The following EML6 variants were observed in gnomAD, a reference collection of about 807,000 sequenced individuals.
EML6 encodes the protein EMAP like 6, also known as echinoderm microtubule-associated protein-like 6.
Under a neutral mutation model 240.1 loss-of-function variants are expected in EML6, and 154 were observed. The observed-to-expected ratio is 0.64, with a 90% CI of 0.56 to 0.73. The LOEUF (loss-of-function observed/expected upper bound fraction) is 0.73, where lower values mean the gene tolerates loss of function less well. EML6 is among the 30% of genes least tolerant of loss of function. The pLI is 0.00. For synonymous variants in EML6, 1,148 were observed against 899.0 expected (o/e 1.28, Z -4.95); for missense variants, 2,964 against 2,474.6 (o/e 1.20, Z -4.20).
chr2:54,858,803 A>G (rs563634195), intron 11 of EML6, among the ~76,000 whole-genome samples: 1 of 152,268 alleles, frequency 6.6e-6, no homozygotes, highest in African/African-American at 2.4e-5. Flanking sequence ...GCCTCCCCCA[A>G]CCCTAATAAA....
chr2:54,937,458 TAA>T (rs1226071897), intron 28 of EML6, among the ~76,000 whole-genome samples: 3 of 135,184 alleles, frequency 2.2e-5, no homozygotes, highest in African/African-American at 8.6e-5. Context: ...GAGGCTGAGA[TAA>T]AAGGATCACT....
At chr2:54,938,365 T>G (rs1160008136) in intron 28 of EML6, among the ~76,000 whole-genome samples, 1 of 152,194 alleles carries the variant, frequency 6.6e-6, no homozygotes, top group East Asian at 1.9e-4. Context: ...ATAGATACAG[T>G]TACATAAGGC....
At chr2:54,918,398 G>C (rs569228079) in intron 26 of EML6, among the ~76,000 whole-genome samples, 1 of 152,260 alleles carries the variant, frequency 6.6e-6, no homozygotes, top group Non-Finnish European at 1.5e-5. Flanking sequence ...TCCCAGGCTG[G>C]AATACAGTGG....
At chr2:54,950,828 A>C (rs1444924204) in intron 30 of EML6, 49 bp downstream of exon 30, 1 of 1,528,588 alleles carries the variant, frequency 6.5e-7, no homozygotes, top group African/African-American at 1.4e-5. Context: ...TGTTTTTTAC[A>C]TGCTTTCCCC....
intron 9 of EML6, 76 bp from the exon 10 acceptor site, chr2:54,849,886 C>T (rs1669978987): frequency 3.3e-6 from 4 of 1,210,900 alleles, no homozygotes; most frequent in Non-Finnish European, 2.3e-6. Flanking sequence ...ACTTCTTTTT[C>T]TGACACATAT....
At chr2:54,891,499 G>A (rs530184380) in intron 18 of EML6, among the ~76,000 whole-genome samples, 88 of 152,218 alleles carry the variant, frequency 5.8e-4, no homozygotes, top group African/African-American at 2.0e-3. Context: ...TTATCTATTT[G>A]GATGGTTCCT....
chr2:54,823,764 T>C (rs555586744), intron 5 of EML6, among the ~76,000 whole-genome samples: 1 of 152,162 alleles, frequency 6.6e-6, no homozygotes, highest in East Asian at 1.9e-4. Context: ...GGTGGGAATC[T>C]GACTTTGATT....
chr2:54,793,983 C>T (rs972728236), intron 2 of EML6, among the ~76,000 whole-genome samples: 8 of 152,216 alleles, frequency 5.3e-5, no homozygotes, highest in African/African-American at 1.2e-4. Flanking sequence ...TGAAATAGCT[C>T]TTCGGTCAAT....
At chr2:54,767,610 G>T (rs1668236196) in intron 2 of EML6, among the ~76,000 whole-genome samples, 1 of 127,284 alleles carries the variant, frequency 7.9e-6, no homozygotes. Flanking sequence ...GTGTGTGTGT[G>T]TGTGTGTGTG....
rs552242613 is a variant in EML6, at chr2:54,963,969, C to G, written c.5158-17C>G. 6 of 1,542,698 alleles carry G rather than the reference C, an allele frequency of 3.9e-6. No homozygotes were observed. In the South Asian group the frequency reaches 6.0e-5, roughly 16 times the overall value. ...GGGGGCCAAGAGCTCAGGTGACTTT[C>G]CTTTGCATCAATGTAGAAGCTGTTA... On this transcript the variant is annotated splice_polypyrimidine_tract_variant and intron_variant, in intron 36 of 41. Coordinates refer to ENST00000356458, the MANE Select transcript of EML6 (RefSeq NM_001039753.4).
chr2:54,829,356 C>T lies in EML6; in HGVS notation c.726C>T (p.Ser242=), dbSNP rs1001534486. The T allele has an allele frequency of 4.6e-5, 72 of 1,551,510 alleles. No homozygotes were observed. Among genetic ancestry groups the T allele is most frequent in the Non-Finnish European group, 5.8e-5 (66 of 1,146,886 alleles). ...TTAATCAACAGGCTGGAATCTTTAG[C>T]ATGTATGCTTGTGAAGAAGGCTTTG... The part of the protein sequence containing the change: ...IQGAHSAGIF[S]MYACEEGFAT... The change falls in exon 7 of 42, where the codon AGC becomes AGT. Residue 242 remains serine (S), a synonymous_variant. Coordinates refer to ENST00000356458, the MANE Select transcript of EML6 (RefSeq NM_001039753.4).
At chr2:54,743,172 A>G (rs371062011) in intron 2 of EML6, among the ~76,000 whole-genome samples, 2 of 152,250 alleles carry the variant, frequency 1.3e-5, no homozygotes, top group African/African-American at 4.8e-5. Context: ...CAAGGTGGGA[A>G]CCAGCCCTGG....
At chr2:54,838,494 T>C (rs955108838) in intron 7 of EML6, among the ~76,000 whole-genome samples, 1 of 152,190 alleles carries the variant, frequency 6.6e-6, no homozygotes, top group Non-Finnish European at 1.5e-5. Flanking sequence ...AGTTCATATA[T>C]TTAACTGTTC....
chr2:54,777,692 A>G (rs1340766220), intron 2 of EML6, among the ~76,000 whole-genome samples: 2 of 152,118 alleles, frequency 1.3e-5, no homozygotes, highest in African/African-American at 4.8e-5. Context: ...AGAGTGACCA[A>G]TCTGCCCTCA....
intron 2 of EML6, among the ~76,000 whole-genome samples, chr2:54,792,639 C>A (rs1422708098): frequency 1.3e-5 from 2 of 152,190 alleles, no homozygotes; most frequent in South Asian, 4.1e-4. Context: ...CAGAACTGTA[C>A]ACTAAAGGGT....
intron 17 of EML6, among the ~76,000 whole-genome samples, chr2:54,890,665 T>G (rs1313069099): frequency 1.3e-5 from 2 of 152,324 alleles, no homozygotes; most frequent in East Asian, 3.9e-4. Context: ...GTTAATACTC[T>G]CTTTCCTCCT....
intron 11 of EML6, among the ~76,000 whole-genome samples, chr2:54,855,688 C>T (rs1053576905): frequency 6.6e-6 from 1 of 152,186 alleles, no homozygotes; most frequent in Non-Finnish European, 1.5e-5. Flanking sequence ...CTCAGCAACC[C>T]ACAGACATAT....
At position 54,895,519 on chromosome 2, in the gene EML6, G is replaced by T. The variant is rs1573093245; in HGVS notation, c.2982+119G>T. On this transcript the variant is annotated intron_variant, in intron 21 of 41. Transcript: ENST00000356458. ...CACTCACTCTCAGGGTTGCACAAGA[G>T]TTGAACTAGTTACCTATTGCTGTGT... 3.3e-6 allele frequency: 3 copies of T among 902,388 alleles called. No homozygotes were observed. In the East Asian group the frequency reaches 7.9e-5, roughly 24 times the overall value. The allele number at this position is 902,388 out of a possible 1,614,324, so 55.9% of individuals were successfully genotyped here. A position where few individuals can be genotyped will look rare whatever the true frequency, so the allele number is the denominator to read the frequency against.
At chr2:54,850,348 C>T (rs541917919) in intron 10 of EML6, 130 bp downstream of exon 10, 1 of 747,042 alleles carries the variant, frequency 1.3e-6, no homozygotes, top group Non-Finnish European at 2.1e-6. Flanking sequence ...CCGGAAAGCA[C>T]CCCCACCTCA....
Sources: gnomAD v4.1 joint callset for allele counts (sites outside exome capture counted in the v4.1 genomes callset) on GRCh38, gnomAD v4.1.1 for gene constraint, MANE v1.5 for transcripts, NCBI Gene and HGNC (gene_info 2026-07-23, HGNC 2026-07-21) for gene names.